The following TAS1R1 variants were observed in gnomAD, a reference collection of about 807,000 sequenced individuals.
TAS1R1 encodes the protein taste receptor type 1 member 1.
TAS1R1 carries 31 observed loss-of-function variants against 45.8 expected under a neutral mutation model. That is an observed-to-expected ratio of 0.68 (90% CI 0.51 to 0.91). The LOEUF (loss-of-function observed/expected upper bound fraction) is 0.91. TAS1R1 is among the 40% of genes least tolerant of loss of function. The probability of loss-of-function intolerance (pLI) is 0.00; values close to 1 mark genes in which losing one functional copy is unlikely to be tolerated. For missense variants in TAS1R1, 1,051 were observed against 1,063.9 expected, an observed-to-expected ratio of 0.99 and a Z score of 0.17; for synonymous variants, 437 against 448.4, an observed-to-expected ratio of 0.97 and a Z score of 0.32.
At chr1:6,577,258 G>A (rs1479452520) in intron 5 of TAS1R1, among the ~76,000 whole-genome samples, 188 bp downstream of exon 5, 1 of 152,262 alleles carries the variant, frequency 6.6e-6, no homozygotes, top group Non-Finnish European at 1.5e-5. Flanking sequence ...CAGCCACTGG[G>A]TGCGGTGGCT....
intron 1 of TAS1R1, among the ~76,000 whole-genome samples, chr1:6,559,797 C>A (rs1639749986): frequency 6.6e-6 from 1 of 151,886 alleles, no homozygotes; most frequent in South Asian, 2.1e-4. Flanking sequence ...TCAAGACCAG[C>A]CTGGTCAACG....
rs758197945 is a variant in TAS1R1, at chr1:6,575,026, C to T, written c.894C>T (p.Val298=). The part of the protein sequence containing the change: ...VLTNLTGKVW[V]ASEAWALSRH... ...CCAACCTGACTGGCAAGGTGTGGGT[C>T]GCCTCAGAAGCCTGGGCCCTCTCCA... Residue 298 remains valine, a synonymous_variant, in exon 3 of 6, where the codon GTC becomes GTT. Transcript: ENST00000333172. 2.3e-5 allele frequency: 36 copies of T among 1,586,130 alleles called. No homozygotes were observed. Among genetic ancestry groups the T allele is most frequent in the East Asian group, 6.7e-5 (3 of 44,646 alleles).
At chr1:6,572,006 C>T (rs1386891593) in intron 2 of TAS1R1, among the ~76,000 whole-genome samples, 2 of 152,170 alleles carry the variant, frequency 1.3e-5, no homozygotes, top group Admixed American at 6.5e-5. Context: ...ACCACAGCCC[C>T]TCCTTGGCTT....
intron 2 of TAS1R1, 65 bp downstream of exon 2, chr1:6,571,280 C>T: frequency 7.0e-7 from 1 of 1,435,942 alleles, no homozygotes; most frequent in East Asian, 2.4e-5. Context: ...GGCATGTGGG[C>T]AAGAGCTGCT....
chr1:6,575,755 C>T (rs1426646710), intron 3 of TAS1R1, among the ~76,000 whole-genome samples: 1 of 149,166 alleles, frequency 6.7e-6, no homozygotes, highest in Non-Finnish European at 1.5e-5. Flanking sequence ...TGCAGTGGTG[C>T]GATCTTGGCT....
intron 1 of TAS1R1, among the ~76,000 whole-genome samples, chr1:6,561,007 AG>A (rs1639778419): frequency 4.8e-5 from 7 of 144,588 alleles, no homozygotes; most frequent in African/African-American, 1.9e-4. Flanking sequence ...AAAAAAAAAG[AG>A]GGGCGATGTT....
Position 6,577,036 on chromosome 1 carries a change from G to C in TAS1R1, c.1560G>C (p.Val520=). Residue 520 remains valine, a synonymous_variant, in exon 5 of 6, where the codon GTG becomes GTC. Coordinates refer to ENST00000333172, the MANE Select transcript of TAS1R1 (RefSeq NM_138697.4). ...TGFHHCCFEC[V]PCGAGTFLNK... ...TCCATCACTGCTGCTTTGAGTGTGTGCCCTGTGGGGCTGGGACCTTCCTCA... is the reference window on the plus strand; with the variant it reads ...TCCATCACTGCTGCTTTGAGTGTGTCCCCTGTGGGGCTGGGACCTTCCTCA... 6.2e-7 allele frequency: 1 copy of C among 1,614,238 alleles called. No individual in the cohort carries two copies. The highest frequency in any genetic ancestry group is 1.3e-5 in the African/African-American group (1 of 75,072).
intron 1 of TAS1R1, among the ~76,000 whole-genome samples, chr1:6,556,904 G>A: frequency 6.6e-6 from 1 of 151,138 alleles, no homozygotes; most frequent in Non-Finnish European, 1.5e-5. Flanking sequence ...CAGCTACTCA[G>A]GAGCCTGAGG....
chr1:6,575,488 G>C (rs1640144109), intron 3 of TAS1R1, 96 bp downstream of exon 3: 1 of 1,335,070 alleles, frequency 7.5e-7, no homozygotes, highest in African/African-American at 1.5e-5. Flanking sequence ...ATGCCAAGGG[G>C]GATAAATGCC....
At chr1:6,558,332 G>T (rs1419531384) in intron 1 of TAS1R1, among the ~76,000 whole-genome samples, 2 of 152,118 alleles carry the variant, frequency 1.3e-5, no homozygotes, top group African/African-American at 4.8e-5. Context: ...GTGAGCCGTG[G>T]TGGTGAATTT....
chr1:6,571,268 G>A, intron 2 of TAS1R1, 53 bp downstream of exon 2: 1 of 1,497,362 alleles, frequency 6.7e-7, no homozygotes, highest in Non-Finnish European at 8.9e-7. Flanking sequence ...AGTCTGGGCT[G>A]GGGCATGTGG....
rs568950360 is a variant in TAS1R1, at chr1:6,569,449, A to T, written c.192-1460A>T. Among the ~76,000 whole-genome samples the T allele has an allele frequency of 3.9e-5, 6 of 152,312 alleles. No homozygotes were observed. In the South Asian group the frequency reaches 1.2e-3, roughly 32 times the overall value. ...AAATCGAAAGTGCCATTTTCGGGCCATTGGGAGCTATTGTCTAACCTGTAT... is the reference window on the plus strand; with the variant it reads ...AAATCGAAAGTGCCATTTTCGGGCCTTTGGGAGCTATTGTCTAACCTGTAT... On this transcript the variant is annotated intron_variant, in intron 1 of 5. Coordinates refer to ENST00000333172, the MANE Select transcript of TAS1R1 (RefSeq NM_138697.4).
chr1:6,575,364 G>A lies in TAS1R1; in HGVS notation c.1232G>A (p.Cys411Tyr). The change falls in exon 3 of 6, where the codon TGT (cysteine) becomes TAT (tyrosine). Residue 411 changes from cysteine to tyrosine, a missense_variant. By Grantham distance (194) the Cys-to-Tyr change is radical. Transcript: ENST00000333172. ...CTCCTGGGCTGTGCCTCTGGAGCTT[G>A]TTCCAGGGGCCGAGTCTACCCCTGG... ...HQLLGCASGA[C>Y]SRGRVYPWQL... 2 of 1,586,944 alleles carry A rather than the reference G, an allele frequency of 1.3e-6. No individual in the cohort carries two copies. Among genetic ancestry groups the A allele is most frequent in the Non-Finnish European group, 1.7e-6 (2 of 1,168,264 alleles).
chr1:6,572,930 G>A (rs1640055052), intron 2 of TAS1R1, among the ~76,000 whole-genome samples: 1 of 152,138 alleles, frequency 6.6e-6, no homozygotes, highest in African/African-American at 2.4e-5. Context: ...AGGGTAGTGA[G>A]GGAGTGGCCA....
chr1:6,576,461 CTG>C lies in TAS1R1; in HGVS notation c.1310_1311del (p.Val437GlyfsTer3), dbSNP rs2148676316. 6.2e-7 allele frequency: 1 copy of C among 1,614,258 alleles called. No homozygotes were observed. Among genetic ancestry groups the C allele is most frequent in the Non-Finnish European group, 8.5e-7 (1 of 1,180,044 alleles). On this transcript the variant is annotated frameshift_variant, in exon 4 of 6. Coordinates refer to ENST00000333172, the MANE Select transcript of TAS1R1 (RefSeq NM_138697.4). LOFTEE classifies it high-confidence loss of function. ...GTGCATTTCCTTCTACACAAGGACA[CTG>C]TGGCGTTTAATGACAACAGAGATCC...
chr1:6,570,022 GGGGAGA>G (rs1238514158), intron 1 of TAS1R1, among the ~76,000 whole-genome samples: 549 of 6,236 alleles, frequency 0.088, 4 homozygotes, highest in Non-Finnish European at 0.13. Context: ...AGGGAGGGAG[GGGGAGA>G]GAGAGAGAGA....
Position 6,577,084 on chromosome 1 carries a change from G to A in TAS1R1, c.1594+14G>A, listed in dbSNP as rs1418769995. ...TCAACAAGAGTGGTGAGTGGGCAAT[G>A]GAGCAGGCGAGCTACCCAGCACTCC... On this transcript the variant is annotated intron_variant, in intron 5 of 5. Transcript: ENST00000333172. 6.2e-7 allele frequency: 1 copy of A among 1,614,150 alleles called. No homozygotes were observed. The highest frequency in any genetic ancestry group is 1.3e-5 in the African/African-American group (1 of 75,068).
At chr1:6,560,983 T>C (rs1380072049) in intron 1 of TAS1R1, among the ~76,000 whole-genome samples, 2 of 43,874 alleles carry the variant, frequency 4.6e-5, no homozygotes, top group African/African-American at 1.7e-4. Context: ...GAAGACTCTG[T>C]CTCAAAAAAA....
intron 1 of TAS1R1, among the ~76,000 whole-genome samples, chr1:6,567,475 G>A (rs910660685): frequency 1.3e-5 from 2 of 151,984 alleles, no homozygotes; most frequent in Admixed American, 6.6e-5. Flanking sequence ...CAGGAGAATG[G>A]TGTGAACCCG....
Sources: allele counts gnomAD v4.1 joint callset (sites outside exome capture counted in the v4.1 genomes callset), GRCh38; gene constraint gnomAD v4.1.1; transcripts MANE v1.5; gene names NCBI Gene and HGNC (gene_info 2026-07-23, HGNC 2026-07-21).